Variants in NBEA observed in about 807,000 individuals in gnomAD.
NBEA encodes the protein neurobeachin.
Under a neutral mutation model 343.4 loss-of-function variants are expected in NBEA, and 44 were observed. The ratio of observed to expected loss-of-function variants is 0.13; its 90% CI spans 0.10 to 0.16. NBEA has a LOEUF of 0.16. NBEA is among the 10% of genes least tolerant of loss of function. The pLI is 1.00. For synonymous variants in NBEA, 1,175 were observed against 1,238.7 expected, an observed-to-expected ratio of 0.95 and a Z score of 1.08; for missense variants, 2,555 against 3,631.3, an observed-to-expected ratio of 0.70 and a Z score of 7.62.
chr13:35,382,161 T>C (rs531945037), intron 38 of NBEA, among the ~76,000 whole-genome samples: 1 of 152,246 alleles, frequency 6.6e-6, no homozygotes, highest in African/African-American at 2.4e-5. Context: ...TATCATTTAG[T>C]ACTGAAAACC....
At chr13:35,638,873 C>G (rs1353760911) in intron 49 of NBEA, among the ~76,000 whole-genome samples, 2 of 152,140 alleles carry the variant, frequency 1.3e-5, no homozygotes, top group African/African-American at 2.4e-5. Context: ...TTTGTTAAGT[C>G]AGTTATGTAA....
At position 35,609,504 on chromosome 13, in the gene NBEA, TA is replaced by T. The variant is rs1323460868; in HGVS notation, c.7449+2929del. On this transcript the variant is annotated intron_variant, in intron 48 of 58. Coordinates refer to ENST00000379939, the MANE Select transcript of NBEA (RefSeq NM_001385012.1). ...AAAATTGGGGAAGTGGGCTCTCATG[TA>T]AATGATCTAAACCATCTTGTCTTAA... Among the ~76,000 whole-genome samples the T allele has an allele frequency of 2.0e-5, 3 of 152,346 alleles. No individual in the cohort carries two copies. In the East Asian group the frequency reaches 5.8e-4, roughly 29 times the overall value.
chr13:34,966,651 T>C (rs1367259010), intron 1 of NBEA, among the ~76,000 whole-genome samples: 3 of 150,834 alleles, frequency 2.0e-5, no homozygotes, highest in African/African-American at 7.3e-5. Flanking sequence ...TCTCTCTCTC[T>C]GTGTATGTGT....
intron 51 of NBEA, 112 bp from the exon 52 acceptor site, chr13:35,649,543 C>T: frequency 1.1e-6 from 1 of 882,558 alleles, no homozygotes; most frequent in Non-Finnish European, 1.8e-6. Flanking sequence ...GCTTTTCCTC[C>T]TTGTGTGTGC....
At chr13:35,378,040 A>G (rs2041836124) in intron 38 of NBEA, among the ~76,000 whole-genome samples, 2 of 152,206 alleles carry the variant, frequency 1.3e-5, no homozygotes, top group African/African-American at 4.8e-5. Context: ...TATTCTGATT[A>G]CAATATAGCT....
chr13:35,220,568 A>G (rs780002241), intron 33 of NBEA, among the ~76,000 whole-genome samples: 2 of 151,978 alleles, frequency 1.3e-5, no homozygotes, highest in Non-Finnish European at 2.9e-5. Context: ...TGTTTTATTT[A>G]TTTATTTTAT....
intron 42 of NBEA, 139 bp from the exon 43 acceptor site, chr13:35,550,791 T>A: frequency 1.5e-6 from 1 of 659,754 alleles, no homozygotes; most frequent in East Asian, 2.7e-5. Flanking sequence ...TGGATAAAGT[T>A]ATACTGAAAG....
At chr13:35,292,957 A>G (rs1204264738) in intron 35 of NBEA, among the ~76,000 whole-genome samples, 2 of 151,958 alleles carry the variant, frequency 1.3e-5, no homozygotes, top group African/African-American at 4.8e-5. Context: ...TGTGTTTTTT[A>G]TAGGATTTTG....
chr13:35,456,646 G>A (rs556609615), intron 40 of NBEA, among the ~76,000 whole-genome samples: 1 of 151,936 alleles, frequency 6.6e-6, no homozygotes, highest in Admixed American at 6.6e-5. Flanking sequence ...TGAAATTCAA[G>A]ATTAACTCAA....
chr13:35,099,873 TA>T (rs2065548597), intron 11 of NBEA, among the ~76,000 whole-genome samples: 1 of 152,120 alleles, frequency 6.6e-6, no homozygotes, highest in Admixed American at 6.5e-5. Flanking sequence ...CTTTGAAAAT[TA>T]AAGTGGGATT....
chr13:35,224,304 G>A (rs1233944835), intron 33 of NBEA, among the ~76,000 whole-genome samples: 2 of 152,048 alleles, frequency 1.3e-5, no homozygotes, highest in African/African-American at 4.8e-5. Flanking sequence ...AGGGATTATG[G>A]TTTAGGTATC....
intron 38 of NBEA, among the ~76,000 whole-genome samples, chr13:35,359,429 T>C (rs1397496178): frequency 6.6e-6 from 1 of 152,190 alleles, no homozygotes; most frequent in Non-Finnish European, 1.5e-5. Context: ...TGAATACTAA[T>C]TGTTGTTATA....
chr13:35,258,766 C>A (rs1454323048), intron 34 of NBEA, among the ~76,000 whole-genome samples: 2 of 152,060 alleles, frequency 1.3e-5, no homozygotes, highest in Non-Finnish European at 2.9e-5. Context: ...CCTTGACTTA[C>A]AATGATTTAA....
chr13:35,296,890 G>C (rs1259498971), intron 35 of NBEA, among the ~76,000 whole-genome samples: 2 of 150,152 alleles, frequency 1.3e-5, no homozygotes, highest in South Asian at 4.2e-4. Context: ...CCTCTTTTTT[G>C]TTACATTGTA....
intron 34 of NBEA, among the ~76,000 whole-genome samples, chr13:35,265,234 A>C (rs1257745273): frequency 6.6e-6 from 1 of 151,898 alleles, no homozygotes; most frequent in African/African-American, 2.4e-5. Flanking sequence ...ATGGCGGAAG[A>C]CACAAATAAT....
rs1376601892 is a variant in NBEA at position 35,527,970 on chromosome 13, C to T, written c.6586-22507C>T. On this transcript the variant is annotated intron_variant, in intron 41 of 58. Transcript: ENST00000379939. ...TGAGATCATGCCATTGCTCTCCAGC[C>T]TGGGTGACAAAGCAAGACCCTGTCT... Among the ~76,000 whole-genome samples, 5 of 152,144 alleles carry T rather than the reference C, an allele frequency of 3.3e-5. No individual in the cohort carries two copies. The East Asian group carries it at 9.7e-4, about 29-fold the overall frequency.
intron 48 of NBEA, among the ~76,000 whole-genome samples, chr13:35,616,658 T>A (rs728992): frequency 0.24 from 35,930 of 152,192 alleles, 4,451 homozygotes; most frequent in African/African-American, 0.27. Flanking sequence ...GAAGTAGGTT[T>A]TCCCTCTTAC....
At chr13:35,473,910 A>G (rs905624717) in intron 41 of NBEA, among the ~76,000 whole-genome samples, 2 of 152,134 alleles carry the variant, frequency 1.3e-5, no homozygotes, top group Non-Finnish European at 1.5e-5. Flanking sequence ...CTCTACTGTC[A>G]TGATAGACTT....
intron 38 of NBEA, among the ~76,000 whole-genome samples, chr13:35,375,924 A>G (rs1046967281): frequency 2.0e-5 from 3 of 152,170 alleles, no homozygotes; most frequent in Non-Finnish European, 4.4e-5. Context: ...AATATTTGAA[A>G]TGTAATGCCT....
Sources: allele counts gnomAD v4.1 joint callset (sites outside exome capture counted in the v4.1 genomes callset), GRCh38; gene constraint gnomAD v4.1.1; transcripts MANE v1.5; gene names NCBI Gene and HGNC (gene_info 2026-07-23, HGNC 2026-07-21).